The following GSTO1 variants were observed in gnomAD, a reference collection of about 807,000 sequenced individuals.
GSTO1 encodes the protein glutathione S-transferase omega 1, also known as glutathione S-transferase omega-1.
In GSTO1, 27 loss-of-function variants were observed where a neutral mutation model predicts 23.8. That is an observed-to-expected ratio of 1.13 (90% CI 0.83 to 1.56). The LOEUF (loss-of-function observed/expected upper bound fraction) is 1.56, where lower values mean the gene tolerates loss of function less well. Ranked by LOEUF, GSTO1 falls within the 40% of genes most tolerant of loss-of-function variation. GSTO1 has a pLI of 0.00. For synonymous variants in GSTO1, 105 were observed against 109.3 expected (o/e 0.96, Z 0.25); for missense variants, 255 against 285.8 (o/e 0.89, Z 0.78).
At chr10:104,264,438 A>T (rs187320619) in intron 4 of GSTO1, among the ~76,000 whole-genome samples, 54 of 152,334 alleles carry the variant, frequency 3.5e-4, no homozygotes, top group Non-Finnish European at 6.9e-4. Flanking sequence ...TTGAAAAAAA[A>T]CTATGGAGGT....
chr10:104,266,230 A>C (rs772356067), intron 5 of GSTO1, 40 bp downstream of exon 5: 5 of 1,052,068 alleles, frequency 4.8e-6, no homozygotes, highest in Non-Finnish European at 7.5e-6. Context: ...TTAGGATGAC[A>C]GGTGGAATAG....
intron 4 of GSTO1, among the ~76,000 whole-genome samples, chr10:104,265,761 T>A (rs1253295810): frequency 1.3e-5 from 2 of 152,244 alleles, no homozygotes; most frequent in Non-Finnish European, 2.9e-5. Flanking sequence ...ATTTTTCCAA[T>A]GGGTCGTTTG....
Position 104,267,352 on chromosome 10 carries a change from T to G in GSTO1, c.673T>G (p.Phe225Val). 6.2e-7 allele frequency: 1 copy of G among 1,613,900 alleles called. No individual in the cohort carries two copies. The highest frequency in any genetic ancestry group is 1.3e-5 in the African/African-American group (1 of 75,048). ...LLTSEKDWQGFLELYLQNSPE... is the reference protein window; with the variant it reads ...LLTSEKDWQGVLELYLQNSPE... ...TACTAGTGAGAAAGACTGGCAAGGT[T>G]TCCTAGAGCTCTACTTACAGAACAG... The change falls in exon 6 of 6, where the codon TTC becomes GTC. Residue 225 changes from phenylalanine to valine, a missense_variant. Phe to Val is a conservative substitution (Grantham distance 50). Coordinates refer to ENST00000369713, the MANE Select transcript of GSTO1 (RefSeq NM_004832.3).
chr10:104,256,832 G>A (rs2011103821), intron 2 of GSTO1, among the ~76,000 whole-genome samples: 1 of 151,046 alleles, frequency 6.6e-6, no homozygotes, highest in Non-Finnish European at 1.5e-5. Flanking sequence ...AGTAACAAAA[G>A]TTTTTGTTTT....
chr10:104,266,446 C>T (rs7906957), intron 5 of GSTO1, among the ~76,000 whole-genome samples: 11,236 of 152,262 alleles, frequency 0.074, 1,391 homozygotes, highest in African/African-American at 0.26. Context: ...TGATTAAAAA[C>T]CCATAAGGGG....
Position 104,263,040 on chromosome 10 carries a change from A to G in GSTO1, c.428A>G (p.Lys143Arg). Reference protein sequence around the residue: ...SQNKEDYAGLKEEFRKEFTKL... With the variant: ...SQNKEDYAGLREEFRKEFTKL... ...AATAAAGAAGACTATGCTGGCCTAA[A>G]AGAAGAATTTCGTAAAGAATTTACC... Residue 143 changes from lysine (K) to arginine (R), a missense_variant, in exon 4 of 6, where the codon AAA (lysine) becomes AGA (arginine). By Grantham distance (26) the Lys-to-Arg change is conservative. Coordinates refer to ENST00000369713, the MANE Select transcript of GSTO1 (RefSeq NM_004832.3). The G allele has an allele frequency of 6.5e-7, 1 of 1,536,284 alleles. No individual in the cohort carries two copies. The highest frequency in any genetic ancestry group is 9.0e-7 in the Non-Finnish European group (1 of 1,110,660).
intron 3 of GSTO1, among the ~76,000 whole-genome samples, chr10:104,260,880 C>T (rs1019630130): frequency 4.6e-5 from 7 of 152,072 alleles, no homozygotes; most frequent in Admixed American, 1.3e-4. Flanking sequence ...ATAGTAGAGG[C>T]GGCTGCTGTG....
chr10:104,254,590 G>A, upstream of GSTO1: 1 of 422,250 alleles, frequency 2.4e-6, no homozygotes, highest in Non-Finnish European at 4.4e-6. Context: ...GTCACGGGAG[G>A]GAGGTCAGGG....
At chr10:104,257,956 G>T (rs1315051254) in intron 2 of GSTO1, among the ~76,000 whole-genome samples, 3 of 151,978 alleles carry the variant, frequency 2.0e-5, no homozygotes, top group Non-Finnish European at 4.4e-5. Context: ...ATAGCATTTT[G>T]CTCATTTACA....
chr10:104,261,802 T>C (rs1337972832), intron 3 of GSTO1, among the ~76,000 whole-genome samples: 2 of 152,208 alleles, frequency 1.3e-5, no homozygotes, highest in African/African-American at 2.4e-5. Flanking sequence ...TTACTTAAAC[T>C]AGGATGAGTG....
rs772396594 is a variant in GSTO1, at chr10:104,254,935, G to A, written c.7G>A (p.Gly3Arg). The change falls in exon 1 of 6, where the codon GGG becomes AGG. Residue 3 changes from glycine to arginine, a missense_variant. Transcript: ENST00000369713. The stretch of plus-strand genomic sequence containing the variant: ...CGGCCTGCGCTGCGCCACGATGTCC[G>A]GGGAGTCAGCCAGGAGCTTGGGGAA... MS[G>R]ESARSLGKGS... The A allele has an allele frequency of 6.2e-7, 1 of 1,611,302 alleles. No individual in the cohort carries two copies. Among genetic ancestry groups the A allele is most frequent in the Non-Finnish European group, 8.5e-7 (1 of 1,179,156 alleles).
In GSTO1 at chr10:104,261,878, C is replaced by T. The variant is rs185701704; in HGVS notation, c.367-1101C>T. Among the ~76,000 whole-genome samples, 20 of 152,278 alleles carry T rather than the reference C, an allele frequency of 1.3e-4. No individual in the cohort carries two copies. The East Asian group carries it at 1.5e-3, about 12-fold the overall frequency. ...GTATTAAAACACATAAACACCATCA[C>T]GAGCATTAAAGCATCTGATGCTACA... is the stretch of plus-strand genomic sequence containing the variant. On this transcript the variant is annotated intron_variant, in intron 3 of 5. Transcript: ENST00000369713.
At chr10:104,262,694 A>G (rs1373183191) in intron 3 of GSTO1, among the ~76,000 whole-genome samples, 1 of 152,226 alleles carries the variant, frequency 6.6e-6, no homozygotes, top group African/African-American at 2.4e-5. Flanking sequence ...CCTGGGTGAT[A>G]GAGCATGACT....
intron 3 of GSTO1, among the ~76,000 whole-genome samples, chr10:104,260,348 C>T (rs969086490): frequency 2.6e-5 from 4 of 152,134 alleles, no homozygotes; most frequent in Non-Finnish European, 5.9e-5. Flanking sequence ...GAGCAAGTTA[C>T]TTATTACTTT....
chr10:104,259,813 A>C lies in GSTO1; in HGVS notation c.366+15A>C, dbSNP rs1231871530. The C allele has an allele frequency of 1.1e-5, 17 of 1,533,962 alleles. No individual in the cohort carries two copies. The highest frequency in any genetic ancestry group is 1.5e-5 in the Non-Finnish European group (17 of 1,110,112). On this transcript the variant is annotated intron_variant, in intron 3 of 5. Coordinates refer to ENST00000369713, the MANE Select transcript of GSTO1 (RefSeq NM_004832.3). ...TGTTTTCTAAGGTTTGTGCATAAGAAATTTCAGCTCCTATTTGAAAAACCT... is the reference window on the plus strand; with the variant it reads ...TGTTTTCTAAGGTTTGTGCATAAGACATTTCAGCTCCTATTTGAAAAACCT...
intron 4 of GSTO1, among the ~76,000 whole-genome samples, chr10:104,263,385 T>C (rs888491530): frequency 2.0e-5 from 3 of 152,228 alleles, no homozygotes; most frequent in Non-Finnish European, 4.4e-5. Flanking sequence ...TATCCAGTTT[T>C]CCATGCTTGT....
rs1172415741 is a variant in GSTO1, at chr10:104,267,262, C to A, written c.583C>A (p.His195Asn). Reference protein sequence around the residue: ...EAMKLNECVDHTPKLKLWMAA... With the variant: ...EAMKLNECVDNTPKLKLWMAA... ...TTCCTCTTCCCACAGGTGTGTAGAC[C>A]ACACTCCAAAACTGAAACTGTGGAT... The change falls in exon 6 of 6, where the codon CAC becomes AAC. Residue 195 changes from histidine to asparagine, a missense_variant. His to Asn is a moderately conservative substitution (Grantham distance 68). Coordinates refer to ENST00000369713, the MANE Select transcript of GSTO1 (RefSeq NM_004832.3). 6.2e-7 allele frequency: 1 copy of A among 1,611,540 alleles called. No homozygotes were observed. The highest frequency in any genetic ancestry group is 1.1e-5 in the South Asian group (1 of 90,856).
At chr10:104,262,633 G>C (rs2011147117) in intron 3 of GSTO1, among the ~76,000 whole-genome samples, 1 of 152,184 alleles carries the variant, frequency 6.6e-6, no homozygotes, top group Admixed American at 6.5e-5. Flanking sequence ...AATTGCTTGA[G>C]CCCGGGCAGT....
intron 3 of GSTO1, among the ~76,000 whole-genome samples, chr10:104,260,056 C>G (rs902381611): frequency 6.6e-5 from 10 of 152,220 alleles, no homozygotes; most frequent in African/African-American, 2.4e-4. Flanking sequence ...TCGCCCCTTT[C>G]TCTTTCAATT....
Sources: allele counts gnomAD v4.1 joint callset (sites outside exome capture counted in the v4.1 genomes callset), GRCh38; gene constraint gnomAD v4.1.1; transcripts MANE v1.5; gene names NCBI Gene and HGNC (gene_info 2026-07-23, HGNC 2026-07-21).